ROCK1: variants seen among roughly 807,000 people sequenced by gnomAD.
The protein encoded by ROCK1 is Rho associated coiled-coil containing protein kinase 1, also known as rho-associated protein kinase 1.
A neutral mutation model predicts 196.8 loss-of-function variants in ROCK1; 36 were observed. That is an observed-to-expected ratio of 0.18 (90% CI 0.14 to 0.24). ROCK1 has a LOEUF of 0.24. ROCK1 is among the 10% of genes least tolerant of loss of function. ROCK1 has a pLI of 1.00. For synonymous variants in ROCK1, 443 were observed against 515.9 expected, an observed-to-expected ratio of 0.86 and a Z score of 1.91; for missense variants, 920 against 1,562.0, an observed-to-expected ratio of 0.59 and a Z score of 6.93.
intron 13 of ROCK1, among the ~76,000 whole-genome samples, chr18:21,014,572 A>T (rs1012814877): frequency 1.3e-5 from 2 of 152,232 alleles, no homozygotes; most frequent in African/African-American, 2.4e-5. Flanking sequence ...TAAAAGTTAA[A>T]TATAAGTGGA....
intron 2 of ROCK1, among the ~76,000 whole-genome samples, chr18:21,064,104 A>G (rs2036314112): frequency 6.6e-6 from 1 of 152,192 alleles, no homozygotes; most frequent in Admixed American, 6.5e-5. Flanking sequence ...GCAACTAAGT[A>G]ATTTTTTTTA....
intron 9 of ROCK1, among the ~76,000 whole-genome samples, chr18:21,030,965 G>A (rs1431314577): frequency 6.6e-6 from 1 of 152,170 alleles, no homozygotes; most frequent in Non-Finnish European, 1.5e-5. Flanking sequence ...AGTGTTTAAT[G>A]AAGAAAGAGG....
At chr18:21,083,063 A>C (rs1337401081) in intron 1 of ROCK1, among the ~76,000 whole-genome samples, 1 of 152,170 alleles carries the variant, frequency 6.6e-6, no homozygotes, top group Non-Finnish European at 1.5e-5. Flanking sequence ...GAATAATCCA[A>C]ACAGAAACTT....
chr18:21,032,294 G>A (rs1336912162), intron 9 of ROCK1, among the ~76,000 whole-genome samples: 2 of 151,916 alleles, frequency 1.3e-5, no homozygotes, highest in African/African-American at 4.8e-5. Context: ...AAAGTAAACT[G>A]GTATCAATTC....
chr18:20,966,999 C>T lies in ROCK1; in HGVS notation c.3270G>A (p.Leu1090=), dbSNP rs750828834. The T allele has an allele frequency of 6.2e-7, 1 of 1,613,188 alleles. No individual in the cohort carries two copies. The highest frequency in any genetic ancestry group is 2.2e-5 in the East Asian group (1 of 44,850). Reference sequence around the variant, plus strand: ...CCGAGAGGTCCAAAAGTTTAGCACGCAATTGCTCAATATCACTCTCTTTGC... The same window carrying T: ...CCGAGAGGTCCAAAAGTTTAGCACGTAATTGCTCAATATCACTCTCTTTGC... ...LASKESDIEQ[L]RAKLLDLSDS... The change falls in exon 27 of 33, where the codon TTG becomes TTA. Residue 1090 remains leucine, a synonymous_variant. Coordinates refer to ENST00000399799, the MANE Select transcript of ROCK1 (RefSeq NM_005406.3).
In ROCK1 at chr18:21,089,126, A is replaced by G. The variant is rs552922022; in HGVS notation, c.94-18513T>C. ...AGCGGCGCAATCTCAGCTCACTGCA[A>G]CCTCCACTGGTTCAAGAAGTTCCCC... On this transcript the variant is annotated intron_variant, in intron 1 of 32. Transcript: ENST00000399799. 2.6e-5 allele frequency among the ~76,000 whole-genome samples: 4 copies of G among 152,008 alleles called. No homozygotes were observed. In the East Asian group the frequency reaches 7.8e-4, roughly 29 times the overall value.
chr18:20,974,295 TAG>T (rs2035459017), intron 22 of ROCK1, among the ~76,000 whole-genome samples: 1 of 152,160 alleles, frequency 6.6e-6, no homozygotes, highest in Admixed American at 6.5e-5. Flanking sequence ...AGGAGAGTAG[TAG>T]AGTTAGTACT....
chr18:21,081,503 G>A (rs953025297), intron 1 of ROCK1, among the ~76,000 whole-genome samples: 6 of 151,886 alleles, frequency 4.0e-5, no homozygotes, highest in African/African-American at 1.4e-4. Context: ...CTGACAGAAG[G>A]AAAGAATAAA....
chr18:21,094,317 CAA>C (rs944245556), intron 1 of ROCK1, among the ~76,000 whole-genome samples: 51 of 152,126 alleles, frequency 3.4e-4, no homozygotes, highest in African/African-American at 8.7e-4. Context: ...AAAGAATCAA[CAA>C]AGTGAGGAGG....
At chr18:21,086,813 T>C (rs73963105) in intron 1 of ROCK1, among the ~76,000 whole-genome samples, 1,822 of 150,784 alleles carry the variant, frequency 0.012, 44 homozygotes, top group African/African-American at 0.04. Flanking sequence ...ACCAAGAGAT[T>C]TGTCACAAGC....
intron 1 of ROCK1, among the ~76,000 whole-genome samples, chr18:21,095,028 C>A (rs1224165944): frequency 1.8e-4 from 18 of 102,344 alleles, no homozygotes; most frequent in African/African-American, 6.1e-4. Flanking sequence ...CCAGCCTGGG[C>A]AACAAGAGGG....
chr18:20,979,029 G>A (rs759409856), intron 22 of ROCK1, among the ~76,000 whole-genome samples: 12 of 152,154 alleles, frequency 7.9e-5, no homozygotes, highest in Non-Finnish European at 1.6e-4. Flanking sequence ...TACTCCGCAG[G>A]AGTTACTATC....
chr18:20,986,750 A>G lies in ROCK1; in HGVS notation c.2304+200T>C, dbSNP rs143776089. ...GTCATAGTGAAAAATGGCATAGATC[A>G]CACAGAGTGAATGTTCAATAACTAT... is the stretch of plus-strand genomic sequence containing the variant. On this transcript the variant is annotated intron_variant, in intron 19 of 32. Transcript: ENST00000399799. Among the ~76,000 whole-genome samples the G allele has an allele frequency of 1.1e-3, 166 of 152,320 alleles. No homozygotes were observed. The Middle Eastern group carries it at 0.014, about 12-fold the overall frequency.
intron 16 of ROCK1, among the ~76,000 whole-genome samples, chr18:21,004,850 A>C (rs1327848287): frequency 3.3e-5 from 5 of 152,206 alleles, no homozygotes; most frequent in African/African-American, 1.2e-4. Context: ...AGTTATAATC[A>C]GATCTATTTT....
At chr18:21,092,690 GATAAA>G (rs1365403090) in intron 1 of ROCK1, among the ~76,000 whole-genome samples, 2 of 148,346 alleles carry the variant, frequency 1.3e-5, no homozygotes, top group Non-Finnish European at 1.5e-5. Context: ...TTTTTTAAAA[GATAAA>G]ATAATTTATT....
At chr18:21,062,958 G>A (rs1447278208) in intron 2 of ROCK1, among the ~76,000 whole-genome samples, 1 of 152,116 alleles carries the variant, frequency 6.6e-6, no homozygotes, top group African/African-American at 2.4e-5. Flanking sequence ...AAAATCTAGT[G>A]ACAGGAGAAG....
chr18:20,969,072 T>C, intron 24 of ROCK1, 43 bp downstream of exon 24: 2 of 1,270,080 alleles, frequency 1.6e-6, no homozygotes, highest in Non-Finnish European at 2.3e-6. Context: ...GATAAATCAC[T>C]GAATTTGATT....
intron 2 of ROCK1, among the ~76,000 whole-genome samples, chr18:21,066,692 G>C (rs1246305964): frequency 6.6e-6 from 1 of 152,176 alleles, no homozygotes; most frequent in Non-Finnish European, 1.5e-5. Flanking sequence ...GCAGTATGTA[G>C]CCTTTTTGTG....
At chr18:21,092,613 ACTT>A (rs1257030742) in intron 1 of ROCK1, among the ~76,000 whole-genome samples, 1 of 151,310 alleles carries the variant, frequency 6.6e-6, no homozygotes, top group Non-Finnish European at 1.5e-5. Flanking sequence ...AACCAACACA[ACTT>A]CTTTTTAGCA....
Sources: allele counts gnomAD v4.1 joint callset (sites outside exome capture counted in the v4.1 genomes callset), GRCh38; gene constraint gnomAD v4.1.1; transcripts MANE v1.5; gene names NCBI Gene and HGNC (gene_info 2026-07-23, HGNC 2026-07-21).